ATRNL1: variants seen among roughly 807,000 people sequenced by gnomAD.
ATRNL1 encodes the protein attractin like 1, also known as attractin-like protein 1.
ATRNL1 carries 95 observed loss-of-function variants against 182.7 expected under a neutral mutation model. The observed-to-expected ratio is 0.52, with a 90% CI of 0.44 to 0.62. The LOEUF (loss-of-function observed/expected upper bound fraction) is 0.62, where lower values mean the gene tolerates loss of function less well. ATRNL1 is among the 20% of genes least tolerant of loss of function. The probability of loss-of-function intolerance (pLI) is 0.00; values close to 1 mark genes in which losing one functional copy is unlikely to be tolerated. For missense variants in ATRNL1, 1,471 were observed against 1,679.5 expected, an observed-to-expected ratio of 0.88 and a Z score of 2.17; for synonymous variants, 576 against 568.3, an observed-to-expected ratio of 1.01 and a Z score of -0.19.
At position 115,599,843 on chromosome 10, in the gene ATRNL1, A is replaced by G. The variant is rs550553533; in HGVS notation, c.3795+50307A>G. Among the ~76,000 whole-genome samples, 7 of 152,332 alleles carry G rather than the reference A, an allele frequency of 4.6e-5. No individual in the cohort carries two copies. The East Asian group carries it at 1.2e-3, about 25-fold the overall frequency. Reference sequence around the variant, plus strand: ...TCAATATTATAAAAATATAACATATACAATAACGCAACTGATTTTAACTGT... The same window carrying G: ...TCAATATTATAAAAATATAACATATGCAATAACGCAACTGATTTTAACTGT... On this transcript the variant is annotated intron_variant, in intron 26 of 28. Transcript: ENST00000355044.
At chr10:115,154,400 T>G (rs565901930) in intron 5 of ATRNL1, among the ~76,000 whole-genome samples, 69 of 152,270 alleles carry the variant, frequency 4.5e-4, no homozygotes, top group African/African-American at 1.6e-3. Flanking sequence ...GTTCCTGTAT[T>G]GGGTGCATAT....
chr10:115,440,279 C>T (rs1430157629), intron 21 of ATRNL1, among the ~76,000 whole-genome samples: 1 of 151,784 alleles, frequency 6.6e-6, no homozygotes, highest in Non-Finnish European at 1.5e-5. Flanking sequence ...GCCATGGTTT[C>T]TTATATTGGA....
chr10:115,523,729 C>G lies in ATRNL1; in HGVS notation c.3716+4405C>G, dbSNP rs146116317. 1.4e-3 allele frequency among the ~76,000 whole-genome samples: 218 copies of G among 152,304 alleles called. 2 individuals are homozygous for G. The highest frequency in any genetic ancestry group is 5.0e-3 in the African/African-American group (206 of 41,562). On this transcript the variant is annotated intron_variant, in intron 25 of 28. Transcript: ENST00000355044. ...TGGCCTTTACTGTCTATATTTCAATCAGCATTTTGGTCACAGCCACTTAAC... is the reference window on the plus strand; with the variant it reads ...TGGCCTTTACTGTCTATATTTCAATGAGCATTTTGGTCACAGCCACTTAAC...
At chr10:115,582,983 C>A (rs1301662444) in intron 26 of ATRNL1, among the ~76,000 whole-genome samples, 19 of 146,546 alleles carry the variant, frequency 1.3e-4, no homozygotes, top group Non-Finnish European at 2.6e-4. Flanking sequence ...GTTTTCCCAG[C>A]ACCATTTATT....
At chr10:115,254,106 G>A (rs945353721) in intron 10 of ATRNL1, among the ~76,000 whole-genome samples, 7 of 152,198 alleles carry the variant, frequency 4.6e-5, no homozygotes, top group Admixed American at 3.3e-4. Flanking sequence ...ATGTGTGCAT[G>A]TGTCTTTATA....
intron 25 of ATRNL1, 92 bp downstream of exon 25, chr10:115,519,416 A>C: frequency 9.7e-7 from 1 of 1,030,786 alleles, no homozygotes; most frequent in Non-Finnish European, 1.5e-6. Context: ...CAATTCTAAA[A>C]CCTTAAAGTA....
At chr10:115,204,163 C>T (rs868913704) in intron 8 of ATRNL1, among the ~76,000 whole-genome samples, 12 of 151,786 alleles carry the variant, frequency 7.9e-5, no homozygotes, top group South Asian at 4.2e-4. Context: ...TGCAAGTTTA[C>T]GGAATTTTTA....
At chr10:115,582,173 T>C (rs1855143741) in intron 26 of ATRNL1, among the ~76,000 whole-genome samples, 1 of 151,518 alleles carries the variant, frequency 6.6e-6, no homozygotes, top group Admixed American at 6.6e-5. Flanking sequence ...GTTCCAAGTC[T>C]TTGCTATTGT....
intron 24 of ATRNL1, among the ~76,000 whole-genome samples, chr10:115,492,846 T>C (rs985447744): frequency 1.3e-5 from 2 of 151,870 alleles, no homozygotes; most frequent in Non-Finnish European, 2.9e-5. Flanking sequence ...GGTTTCACCA[T>C]GTTAGCCAGG....
intron 21 of ATRNL1, among the ~76,000 whole-genome samples, chr10:115,446,375 CT>C (rs1367393459): frequency 1.3e-5 from 2 of 151,640 alleles, no homozygotes; most frequent in African/African-American, 4.8e-5. Flanking sequence ...CTTTTTTGTT[CT>C]TCCTTTTGTA....
intron 8 of ATRNL1, among the ~76,000 whole-genome samples, chr10:115,207,387 G>T (rs555189349): frequency 1.1e-4 from 16 of 152,164 alleles, no homozygotes; most frequent in African/African-American, 3.6e-4. Flanking sequence ...CGTTCTAACT[G>T]GCATGAGATG....
chr10:115,574,145 T>C (rs565927695), intron 26 of ATRNL1, among the ~76,000 whole-genome samples: 1 of 151,942 alleles, frequency 6.6e-6, no homozygotes, highest in Non-Finnish European at 1.5e-5. Context: ...TGCAGTTTTA[T>C]ATGTATAAGT....
At chr10:115,822,921 A>T (rs1950338509) in intron 27 of ATRNL1, among the ~76,000 whole-genome samples, 1 of 152,184 alleles carries the variant, frequency 6.6e-6, no homozygotes, top group African/African-American at 2.4e-5. Flanking sequence ...CTCCTCCCTA[A>T]CTCATTTTAT....
intron 26 of ATRNL1, among the ~76,000 whole-genome samples, chr10:115,681,185 G>A (rs1946035222): frequency 6.6e-6 from 1 of 152,014 alleles, no homozygotes; most frequent in South Asian, 2.1e-4. Context: ...ATATAACTTT[G>A]AATGTCAATT....
chr10:115,202,131 G>A (rs1848605925), intron 8 of ATRNL1, among the ~76,000 whole-genome samples: 1 of 152,224 alleles, frequency 6.6e-6, no homozygotes, highest in Admixed American at 6.6e-5. Context: ...GAGATATTGG[G>A]CTGAGGCAAT....
chr10:115,914,500 AG>A (rs1445649631), intron 28 of ATRNL1, among the ~76,000 whole-genome samples: 1 of 152,218 alleles, frequency 6.6e-6, no homozygotes, highest in Non-Finnish European at 1.5e-5. Context: ...ATGCGTACCC[AG>A]CTTGAGTGGT....
intron 24 of ATRNL1, among the ~76,000 whole-genome samples, chr10:115,473,324 T>C (rs1848391269): frequency 6.6e-6 from 1 of 151,262 alleles, no homozygotes; most frequent in Non-Finnish European, 1.5e-5. Flanking sequence ...TTTCCTTATG[T>C]TCCCTATGGT....
At chr10:115,196,587 CT>C (rs1447342516) in intron 8 of ATRNL1, among the ~76,000 whole-genome samples, 1 of 151,842 alleles carries the variant, frequency 6.6e-6, no homozygotes, top group South Asian at 2.1e-4. Flanking sequence ...ATTTAGGTCT[CT>C]TTTGTTTCAG....
intron 26 of ATRNL1, among the ~76,000 whole-genome samples, chr10:115,686,668 T>A (rs1946228593): frequency 6.6e-6 from 1 of 152,016 alleles, no homozygotes; most frequent in African/African-American, 2.4e-5. Context: ...CCAGCACATA[T>A]CAAATATGTG....
Sources: allele counts gnomAD v4.1 joint callset (sites outside exome capture counted in the v4.1 genomes callset), GRCh38; gene constraint gnomAD v4.1.1; transcripts MANE v1.5; gene names NCBI Gene and HGNC (gene_info 2026-07-23, HGNC 2026-07-21).